The following TRMT2A variants were observed in gnomAD, a reference collection of about 807,000 sequenced individuals.
TRMT2A encodes tRNA methyltransferase 2A, also known as tRNA (uracil-5-)-methyltransferase homolog A.
Under a neutral mutation model 59.3 loss-of-function variants are expected in TRMT2A, and 60 were observed. That is an observed-to-expected ratio of 1.01 (90% CI 0.82 to 1.26). TRMT2A has a LOEUF of 1.26. Ranked by LOEUF, TRMT2A falls within the 50% of genes most tolerant of loss-of-function variation. The pLI is 0.00. For missense variants in TRMT2A, 863 were observed against 845.2 expected (o/e 1.02, Z -0.26); for synonymous variants, 403 against 353.7 (o/e 1.14, Z -1.56).
chr22:20,113,251 G>T lies in TRMT2A; in HGVS notation c.1433-17C>A. The T allele has an allele frequency of 6.5e-7, 1 of 1,531,636 alleles. No individual in the cohort carries two copies. The highest frequency in any genetic ancestry group is 8.8e-7 in the Non-Finnish European group (1 of 1,141,102). The allele number at this position is 1,531,636 out of a possible 1,614,324, so 94.9% of individuals were successfully genotyped here. A position where few individuals can be genotyped will look rare whatever the true frequency, so the allele number is the denominator to read the frequency against. On this transcript the variant is annotated splice_polypyrimidine_tract_variant and intron_variant, in intron 9 of 11. Coordinates refer to ENST00000252136, the MANE Select transcript of TRMT2A (RefSeq NM_022727.6). ...TACTCAACTCTGAAGAGATGGCACC[G>T]TGGCCTGTCAGAGGGCCACATGCCC... is the stretch of plus-strand genomic sequence containing the variant.
chr22:20,112,628 C>T lies in TRMT2A; in HGVS notation c.1813G>A (p.Ala605Thr), dbSNP rs1287547795. 30 of 1,613,964 alleles carry T rather than the reference C, an allele frequency of 1.9e-5. No homozygotes were observed. In the East Asian group the frequency reaches 6.0e-4, roughly 32 times the overall value. ...TCTGGGGGTCCTGGTGTGGGTTGAG[C>T]TGGAGGGCTGTGGGGCCCCAAGACC... ...TGVLGPHSPP[A>T]QPTPGPPDNT... Residue 605 changes from alanine (A) to threonine (T), a missense_variant, in exon 12 of 12, where the codon GCT becomes ACT. Transcript: ENST00000252136.
Position 20,112,782 on chromosome 22 carries a change from G to A in TRMT2A, c.1659C>T (p.Ala553=), listed in dbSNP as rs775234682. ...GAATGCCCTTCACCCGGTTAGATGG[G>A]GCTCTGCAGAGGCTGTGGGGGGAAA... The part of the protein sequence containing the change: ...AMGNFVDLCR[A]PSNRVKGIPF... Residue 553 remains alanine, a synonymous_variant, in exon 12 of 12, where the codon GCC becomes GCT. Coordinates refer to ENST00000252136, the MANE Select transcript of TRMT2A (RefSeq NM_022727.6). The A allele has an allele frequency of 6.2e-7, 1 of 1,613,506 alleles. No homozygotes were observed. The highest frequency in any genetic ancestry group is 1.1e-5 in the South Asian group (1 of 91,078).
intron 9 of TRMT2A, 94 bp from the exon 10 acceptor site, chr22:20,113,328 G>A (rs1309572489): frequency 2.6e-6 from 4 of 1,516,312 alleles, no homozygotes; most frequent in Non-Finnish European, 3.6e-6. Flanking sequence ...TTGCTCACTT[G>A]CTCTACCTGT....
chr22:20,114,370 G>C (rs528162586), intron 7 of TRMT2A, among the ~76,000 whole-genome samples: 267 of 152,350 alleles, frequency 1.8e-3, no homozygotes, highest in African/African-American at 6.3e-3. Context: ...CCTGTGACAA[G>C]GGCCACTGCC....
Position 20,116,134 on chromosome 22 carries a change from A to C in TRMT2A, c.503T>G (p.Val168Gly). 1 of 1,612,742 alleles carries C rather than the reference A, an allele frequency of 6.2e-7. No homozygotes were observed. The highest frequency in any genetic ancestry group is 8.5e-7 in the Non-Finnish European group (1 of 1,179,632). The change falls in exon 2 of 12, where the codon GTG becomes GGG. Residue 168 changes from valine (V) to glycine (G), a missense_variant. Val to Gly is a moderately radical substitution (Grantham distance 109). Transcript: ENST00000252136. ...EGESEPPVTR[V>G]ADVVTPLWTV... Reference sequence around the variant, plus strand: ...CCATAGAGGGGTCACCACGTCGGCCACTCGTGTTACTGGTGGCTCACTCTC... The same window carrying C: ...CCATAGAGGGGTCACCACGTCGGCCCCTCGTGTTACTGGTGGCTCACTCTC...
chr22:20,115,154 C>G (rs1944151211), intron 4 of TRMT2A, 75 bp from the exon 5 acceptor site: 1 of 1,563,086 alleles, frequency 6.4e-7, no homozygotes. Flanking sequence ...CTGGCCACAC[C>G]TTCCTTCATC....
chr22:20,113,076 GTCC>G, intron 10 of TRMT2A, 39 bp downstream of exon 10: 1 of 1,609,454 alleles, frequency 6.2e-7, no homozygotes, highest in Non-Finnish European at 8.5e-7. Context: ...CACCCCATGT[GTCC>G]TCGTTCCCGT....
At position 20,116,226 on chromosome 22, in the gene TRMT2A, G is replaced by A. The variant is rs1329987365; in HGVS notation, c.411C>T (p.Arg137=). The A allele has an allele frequency of 6.2e-7, 1 of 1,613,016 alleles. No individual in the cohort carries two copies. The highest frequency in any genetic ancestry group is 8.5e-7 in the Non-Finnish European group (1 of 1,180,026). The change falls in exon 2 of 12, where the codon CGC becomes CGT. Residue 137 remains arginine, a synonymous_variant. Transcript: ENST00000252136. Reference sequence around the variant, plus strand: ...GCCGGGCCAGGCGCACACTGAGTGGGCGGCCTTTCCAGAGGGCACCATGCA... The same window carrying A: ...GCCGGGCCAGGCGCACACTGAGTGGACGGCCTTTCCAGAGGGCACCATGCA... The part of the protein sequence containing the change: ...RVLHGALWKG[R]PLSVRLARPK...
Position 20,117,158 on chromosome 22 carries a change from C to T in TRMT2A, c.-252G>A. The stretch of plus-strand genomic sequence containing the variant: ...GTACCGCCCGCCCGCCAGGGGCCCG[C>T]GCCGGCCGCTCGCTTCGCCAGCCAC... On this transcript the variant is annotated 5_prime_UTR_variant, in exon 1 of 12. Coordinates refer to ENST00000252136, the MANE Select transcript of TRMT2A (RefSeq NM_022727.6). 3.6e-6 allele frequency: 2 copies of T among 557,916 alleles called. No individual in the cohort carries two copies. Among genetic ancestry groups the T allele is most frequent in the South Asian group, 2.8e-5 (1 of 35,662 alleles). The allele number at this position is 557,916 out of a possible 1,614,324, so 34.6% of individuals were successfully genotyped here.
chr22:20,113,495 C>T lies in TRMT2A; in HGVS notation c.1369G>A (p.Val457Ile), dbSNP rs1024116080. ...GLALARKVKR[V>I]IGVELCPEAV... ...TCTGGGCATAGCTCGACCCCAATGA[C>T]CCTCTTTACCTTCTGAAACAGGAAA... The change falls in exon 9 of 12, where the codon GTC becomes ATC. Residue 457 changes from valine (V) to isoleucine (I), a missense_variant. Physicochemically the swap from Val to Ile is conservative, Grantham distance 29. Transcript: ENST00000252136. The T allele has an allele frequency of 3.1e-6, 5 of 1,613,410 alleles. No homozygotes were observed. The highest frequency in any genetic ancestry group is 3.3e-5 in the Admixed American group (2 of 60,002).
rs930088092 is a variant in TRMT2A at position 20,117,065 on chromosome 22, C to T, written c.-159G>A. On this transcript the variant is annotated 5_prime_UTR_variant, in exon 1 of 12. Transcript: ENST00000252136. ...AACGCCGCGAGGTCGCCGCCACCCC[C>T]GGCTTCGCCCCAGGCGGGGCGGGAC... 5.3e-6 allele frequency: 5 copies of T among 944,078 alleles called. No homozygotes were observed. Among genetic ancestry groups the T allele is most frequent in the African/African-American group, 1.6e-5 (1 of 61,096 alleles). The allele number at this position is 944,078 out of a possible 1,614,324, so 58.5% of individuals were successfully genotyped here.
rs148083810 is a variant in TRMT2A, at chr22:20,115,014, C to G, written c.956G>C (p.Arg319Pro). 1 of 1,598,562 alleles carries G rather than the reference C, an allele frequency of 6.3e-7. No homozygotes were observed. Among genetic ancestry groups the G allele is most frequent in the Non-Finnish European group, 8.5e-7 (1 of 1,175,100 alleles). ...YTGHWKQLTVRTSRRHQAMAI... is the reference protein window; with the variant it reads ...YTGHWKQLTVPTSRRHQAMAI... The stretch of plus-strand genomic sequence containing the variant: ...CATGGCCTGGTGGCGGCGGCTGGTG[C>G]GCACAGTCAGCTGCTTCCAGTGGCC... Residue 319 changes from arginine to proline, a missense_variant, in exon 5 of 12, where the codon CGC becomes CCC. Transcript: ENST00000252136.
chr22:20,112,982 C>G lies in TRMT2A; in HGVS notation c.1575G>C (p.Arg525=). The G allele has an allele frequency of 6.2e-7, 1 of 1,613,804 alleles. No individual in the cohort carries two copies. Among genetic ancestry groups the G allele is most frequent in the Non-Finnish European group, 8.5e-7 (1 of 1,180,006 alleles). ...GLHSKVILAI[R]RAKNLRRLLY... The stretch of plus-strand genomic sequence containing the variant: ...GCAGCCGCCTGAGGTTCTTAGCTCT[C>G]CGGATGGCCAGGATCACCTTGGAAT... Residue 525 remains arginine (R), a synonymous_variant, in exon 11 of 12, where the codon CGG becomes CGC. Coordinates refer to ENST00000252136, the MANE Select transcript of TRMT2A (RefSeq NM_022727.6).
At chr22:20,116,009 C>A in intron 2 of TRMT2A, 29 bp downstream of exon 2, 1 of 1,532,462 alleles carries the variant, frequency 6.5e-7, no homozygotes, top group Non-Finnish European at 8.8e-7. Flanking sequence ...GAGCCCTGGC[C>A]AAGAGGGGCG....
Position 20,112,339 on chromosome 22 carries a change from G to A in TRMT2A, c.*224C>T. On this transcript the variant is annotated 3_prime_UTR_variant, in exon 12 of 12. Transcript: ENST00000252136. ...TGTTTATTCTGGCCCTCACAGCCTT[G>A]GCTAGTCCACAAAGGCCCTGGGGAT... is the stretch of plus-strand genomic sequence containing the variant. 2 of 598,128 alleles carry A rather than the reference G, an allele frequency of 3.3e-6. No homozygotes were observed. The highest frequency in any genetic ancestry group is 5.6e-5 in the East Asian group (2 of 35,666). 37.1% of individuals were successfully genotyped at this position (598,128 alleles called of 1,614,324 possible). A position where few individuals can be genotyped will look rare whatever the true frequency, so the allele number is the denominator to read the frequency against.
rs759059606 is a variant in TRMT2A at position 20,115,003 on chromosome 22, G to C, written c.967C>G (p.Arg323Gly). 6.3e-7 allele frequency: 1 copy of C among 1,598,410 alleles called. No individual in the cohort carries two copies. Among genetic ancestry groups the C allele is most frequent in the Non-Finnish European group, 8.5e-7 (1 of 1,174,718 alleles). ...WKQLTVRTSR[R>G]HQAMAIAYFH... Reference sequence around the variant, plus strand: ...TAGGCAATGGCCATGGCCTGGTGGCGGCGGCTGGTGCGCACAGTCAGCTGC... The same window carrying C: ...TAGGCAATGGCCATGGCCTGGTGGCCGCGGCTGGTGCGCACAGTCAGCTGC... The change falls in exon 5 of 12, where the codon CGC (arginine) becomes GGC (glycine). Residue 323 changes from arginine (R) to glycine (G), a missense_variant. Coordinates refer to ENST00000252136, the MANE Select transcript of TRMT2A (RefSeq NM_022727.6).
At position 20,112,254 on chromosome 22, in the gene TRMT2A, AC is replaced by A. The variant is rs1440311869; in HGVS notation, c.*308del. 3 of 415,850 alleles carry A rather than the reference AC, an allele frequency of 7.2e-6. No individual in the cohort carries two copies. The highest frequency in any genetic ancestry group is 6.0e-5 in the African/African-American group (3 of 49,842). 25.8% of individuals were successfully genotyped at this position (415,850 alleles called of 1,614,324 possible). The stretch of plus-strand genomic sequence containing the variant: ...GGCCTAGTTTGGCCCTTTCCCTGGC[AC>A]CCAGGCCCTGTGTTCAGACCCCTGG... On this transcript the variant is annotated 3_prime_UTR_variant, in exon 12 of 12. Transcript: ENST00000252136.
chr22:20,112,502 C>G lies in TRMT2A; in HGVS notation c.*61G>C, dbSNP rs1400946318. The G allele has an allele frequency of 6.4e-7, 1 of 1,554,994 alleles. No homozygotes were observed. Among genetic ancestry groups the G allele is most frequent in the African/African-American group, 1.4e-5 (1 of 73,196 alleles). On this transcript the variant is annotated 3_prime_UTR_variant, in exon 12 of 12. Transcript: ENST00000252136. ...GAATATCCTGGCCAGCAAGCCATGC[C>G]TTCCCCGCCCCTGGGGCCCTGGGAG...
At position 20,116,454 on chromosome 22, in the gene TRMT2A, G is replaced by C; in HGVS notation, c.183C>G (p.Ser61Arg). ...TGPGPQPGLY[S>R]YIRDDLFTSE... is the part of the protein sequence containing the mutation. ...AGGTAAACAAGTCATCCCTGATGTA[G>C]CTGTAGAGCCCGGGCTGAGGCCCCG... Residue 61 changes from serine to arginine, a missense_variant, in exon 2 of 12, where the codon AGC becomes AGG. Transcript: ENST00000252136. 1 of 1,612,888 alleles carries C rather than the reference G, an allele frequency of 6.2e-7. No homozygotes were observed.
Sources: gnomAD v4.1 joint callset for allele counts (sites outside exome capture counted in the v4.1 genomes callset) on GRCh38, gnomAD v4.1.1 for gene constraint, MANE v1.5 for transcripts, NCBI Gene and HGNC (gene_info 2026-07-23, HGNC 2026-07-21) for gene names.